VPS13A: variants seen among roughly 807,000 people sequenced by gnomAD.
The protein encoded by VPS13A is vacuolar protein sorting 13 homolog A.
In VPS13A, 264 loss-of-function variants were observed where a neutral mutation model predicts 390.9. The ratio of observed to expected loss-of-function variants is 0.68; its 90% CI spans 0.61 to 0.75. The LOEUF (loss-of-function observed/expected upper bound fraction) is 0.75. Among genes scored for constraint, VPS13A ranks in the 30% least tolerant of loss-of-function variants. VPS13A has a pLI of 0.00. For missense variants in VPS13A, 3,409 were observed against 3,733.9 expected, an observed-to-expected ratio of 0.91 and a Z score of 2.27; for synonymous variants, 1,231 against 1,227.1, an observed-to-expected ratio of 1.00 and a Z score of -0.07.
intron 23 of VPS13A, among the ~76,000 whole-genome samples, chr9:77,271,100 A>G (rs1826327929): frequency 1.3e-5 from 2 of 152,224 alleles, no homozygotes; most frequent in Non-Finnish European, 2.9e-5. Flanking sequence ...CCACTTGGGA[A>G]AAATAGTTGC....
chr9:77,276,282 G>A (rs1232098224), intron 26 of VPS13A, 61 bp downstream of exon 26: 4 of 1,415,952 alleles, frequency 2.8e-6, no homozygotes, highest in African/African-American at 1.4e-5. Flanking sequence ...ACCTGCTAGA[G>A]AGTTTTCAAT....
intron 67 of VPS13A, among the ~76,000 whole-genome samples, chr9:77,374,714 TG>T (rs1832977246): frequency 6.6e-6 from 1 of 152,204 alleles, no homozygotes; most frequent in African/African-American, 2.4e-5. Flanking sequence ...TAATACACAT[TG>T]TTTTTTACTC....
At chr9:77,373,588 T>C (rs1832902103) in intron 67 of VPS13A, among the ~76,000 whole-genome samples, 2 of 147,228 alleles carry the variant, frequency 1.4e-5, no homozygotes, top group African/African-American at 2.5e-5. Flanking sequence ...AAGGACTTCA[T>C]GTCCAAAACA....
At chr9:77,275,010 G>GTA (rs1392834723) in intron 24 of VPS13A, among the ~76,000 whole-genome samples, 2 of 152,010 alleles carry the variant, frequency 1.3e-5, no homozygotes, top group Admixed American at 6.5e-5. Context: ...CTATATTTGT[G>GTA]TATATATATG....
intron 53 of VPS13A, among the ~76,000 whole-genome samples, chr9:77,352,986 T>A (rs574709396): frequency 6.6e-6 from 1 of 152,178 alleles, no homozygotes; most frequent in African/African-American, 2.4e-5. Context: ...AACATACAAT[T>A]GAGATACAAG....
At chr9:77,359,509 A>T (rs1832018150) in intron 58 of VPS13A, 107 bp downstream of exon 58, 2 of 1,040,330 alleles carry the variant, frequency 1.9e-6, no homozygotes, top group Non-Finnish European at 1.4e-6. Flanking sequence ...TAAGCATAAA[A>T]TATTAATTAT....
chr9:77,204,549 T>C (rs1825524926), intron 3 of VPS13A, among the ~76,000 whole-genome samples: 1 of 152,098 alleles, frequency 6.6e-6, no homozygotes, highest in Non-Finnish European at 1.5e-5. Flanking sequence ...TGAATTACTA[T>C]ACATACATAC....
intron 1 of VPS13A, among the ~76,000 whole-genome samples, chr9:77,178,573 A>C (rs367828027): frequency 2.5e-4 from 38 of 152,332 alleles, no homozygotes; most frequent in African/African-American, 8.9e-4. Flanking sequence ...CGTGCGGTGC[A>C]ACGTCTCAGA....
rs768544452 is a variant in VPS13A, at chr9:77,340,359, A to G, written c.6880-45A>G. The G allele has an allele frequency of 1.9e-6, 3 of 1,604,856 alleles. No homozygotes were observed. The South Asian group carries it at 3.3e-5, about 18-fold the overall frequency. ...AACTACTTAATTAAATTTTATAAAG[A>G]TGTTATACATAACAGTTTTTGAGCT... On this transcript the variant is annotated intron_variant, in intron 49 of 71. Coordinates refer to ENST00000360280, the MANE Select transcript of VPS13A (RefSeq NM_033305.3).
At chr9:77,238,530 C>A in intron 19 of VPS13A, 144 bp downstream of exon 19, 1 of 726,634 alleles carries the variant, frequency 1.4e-6, no homozygotes, top group South Asian at 1.7e-5. Context: ...TAATTTAGTA[C>A]TTTTATGTTT....
At position 77,345,004 on chromosome 9, in the gene VPS13A, T is replaced by A. The variant is rs1281132808; in HGVS notation, c.7156-5T>A. The A allele has an allele frequency of 2.5e-6, 4 of 1,610,974 alleles. No individual in the cohort carries two copies. The South Asian group carries it at 4.4e-5, about 18-fold the overall frequency. On this transcript the variant is annotated splice_polypyrimidine_tract_variant and splice_region_variant and intron_variant, in intron 51 of 71. Coordinates refer to ENST00000360280, the MANE Select transcript of VPS13A (RefSeq NM_033305.3). The stretch of plus-strand genomic sequence containing the variant: ...ATTAAAATGTTTTCTTTTTCTTTCT[T>A]CTAGCTTGGAGGTATTATAGCAGAA...
At chr9:77,369,785 T>C (rs1418644424) in intron 63 of VPS13A, among the ~76,000 whole-genome samples, 2 of 152,222 alleles carry the variant, frequency 1.3e-5, no homozygotes, top group African/African-American at 4.8e-5. Context: ...ATGATTGTTC[T>C]ATGTCCTTTA....
chr9:77,364,752 T>G (rs1179189819), intron 59 of VPS13A, among the ~76,000 whole-genome samples: 1 of 152,230 alleles, frequency 6.6e-6, no homozygotes, highest in Non-Finnish European at 1.5e-5. Flanking sequence ...CATTTGCTTA[T>G]GACCTTAAAA....
chr9:77,212,779 C>T (rs957638990), intron 7 of VPS13A, among the ~76,000 whole-genome samples, 190 bp from the exon 8 acceptor site: 5 of 152,124 alleles, frequency 3.3e-5, no homozygotes, highest in Admixed American at 6.5e-5. Flanking sequence ...TTTTCTGACC[C>T]GCAATGAGCT....
chr9:77,282,865 C>A (rs1323782975), intron 29 of VPS13A, among the ~76,000 whole-genome samples: 2 of 151,930 alleles, frequency 1.3e-5, no homozygotes, highest in Non-Finnish European at 2.9e-5. Context: ...ATTAGAATCA[C>A]TGGAGCCCAG....
At chr9:77,280,694 T>C (rs1367069375) in intron 27 of VPS13A, among the ~76,000 whole-genome samples, 1 of 152,218 alleles carries the variant, frequency 6.6e-6, no homozygotes, top group Non-Finnish European at 1.5e-5. Flanking sequence ...CTATGGTCTA[T>C]TTCTAATTTT....
intron 52 of VPS13A, among the ~76,000 whole-genome samples, chr9:77,350,053 G>T (rs569439560): frequency 6.6e-6 from 1 of 151,752 alleles, no homozygotes; most frequent in African/African-American, 2.4e-5. Flanking sequence ...ATGATTTTTT[G>T]GAAAATACAT....
chr9:77,240,295 C>G (rs1824401507), intron 19 of VPS13A, among the ~76,000 whole-genome samples: 1 of 151,728 alleles, frequency 6.6e-6, no homozygotes, highest in African/African-American at 2.4e-5. Context: ...CTGTGTTGGC[C>G]AGGCTGGTCT....
intron 1 of VPS13A, among the ~76,000 whole-genome samples, chr9:77,199,715 T>C (rs1040509599): frequency 6.6e-6 from 1 of 152,226 alleles, no homozygotes; most frequent in South Asian, 2.1e-4. Flanking sequence ...AACATTGAGC[T>C]ACAATTGCAG....
Sources: allele counts gnomAD v4.1 joint callset (sites outside exome capture counted in the v4.1 genomes callset), GRCh38; gene constraint gnomAD v4.1.1; transcripts MANE v1.5; gene names NCBI Gene and HGNC (gene_info 2026-07-23, HGNC 2026-07-21).